KCNQ1: variants seen among roughly 807,000 people sequenced by gnomAD.
KCNQ1 encodes potassium voltage-gated channel subfamily Q member 1, also known as potassium voltage-gated channel subfamily KQT member 1.
A neutral mutation model predicts 72.4 loss-of-function variants in KCNQ1; 49 were observed. The observed-to-expected ratio is 0.68, with a 90% confidence interval of 0.54 to 0.86. The LOEUF (loss-of-function observed/expected upper bound fraction) is 0.86, where lower values mean the gene tolerates loss of function less well. Ranked by LOEUF, KCNQ1 falls within the 40% of genes least tolerant of loss-of-function variation. The pLI is 0.00. For missense variants in KCNQ1, 790 were observed against 945.1 expected (o/e 0.84, Z 2.15); for synonymous variants, 450 against 412.6 (o/e 1.09, Z -1.10).
At chr11:2,702,969 T>G (rs1346219924) in intron 11 of KCNQ1, among the ~76,000 whole-genome samples, 1 of 152,094 alleles carries the variant, frequency 6.6e-6, no homozygotes, top group Non-Finnish European at 1.5e-5. Context: ...CCTCCTCTAG[T>G]CCTTTGGGGG....
chr11:2,841,418 G>A (rs1483450325), intron 15 of KCNQ1, among the ~76,000 whole-genome samples: 4 of 152,194 alleles, frequency 2.6e-5, no homozygotes, highest in African/African-American at 7.2e-5. Context: ...TAGCCAGGCA[G>A]TGAGGTGGTT....
intron 10 of KCNQ1, chr11:2,614,343 TG>T (rs1388773357): frequency 2.5e-6 from 1 of 398,454 alleles, no homozygotes; most frequent in African/African-American, 2.1e-5. Flanking sequence ...TTTAGTCTTC[TG>T]TGCACCCTTT....
Position 2,749,553 on chromosome 11 carries a change from T to C in KCNQ1, c.1515-19291T>C, listed in dbSNP as rs1158645894. On this transcript the variant is annotated intron_variant, in intron 11 of 15. Transcript: ENST00000155840. ...GGCCGGGCGTGCTGCCTCACGCCTG[T>C]AATCTCAGCACTTTGGGAGGCCGAG... Among the ~76,000 whole-genome samples, 4 of 149,392 alleles carry C rather than the reference T, an allele frequency of 2.7e-5. No homozygotes were observed. The East Asian group carries it at 7.9e-4, about 30-fold the overall frequency.
rs746807746 is a variant in KCNQ1 at position 2,570,770 on chromosome 11, C to T, written c.604+16C>T. ...TCCATCATCGGTGAGTCATGCCTGC[C>T]CTGTGGAGGTCACGCCCAGGTTTCC... is the stretch of plus-strand genomic sequence containing the variant. On this transcript the variant is annotated intron_variant, in intron 3 of 15. Coordinates refer to ENST00000155840, the MANE Select transcript of KCNQ1 (RefSeq NM_000218.3). 2.9e-5 allele frequency: 47 copies of T among 1,609,042 alleles called. No homozygotes were observed. The highest frequency in any genetic ancestry group is 4.0e-5 in the Non-Finnish European group (47 of 1,179,942).
In KCNQ1 at chr11:2,830,003, G is replaced by C. The variant is rs1438722721; in HGVS notation, c.1795-17764G>C. 9.2e-6 allele frequency among the ~76,000 whole-genome samples: 1 copy of C among 108,768 alleles called. No homozygotes were observed. The highest frequency in any genetic ancestry group is 1.9e-5 in the Non-Finnish European group (1 of 53,296). 71.4% of individuals were successfully genotyped at this position (108,768 alleles called of 152,430 possible). A position where few individuals can be genotyped will look rare whatever the true frequency, so the allele number is the denominator to read the frequency against. ...GGAGGGAGGAGGAAGGAAGAGGGAG[G>C]AGGAAGGAGGAGGAAGGAGGAGGAA... On this transcript the variant is annotated intron_variant, in intron 15 of 15. Transcript: ENST00000155840. This position sits in a 1 kb window ranked among gnomAD's most constrained non-coding sequence, Gnocchi z 7.7.
intron 15 of KCNQ1, among the ~76,000 whole-genome samples, chr11:2,838,344 C>T (rs1848126817): frequency 6.6e-6 from 1 of 152,052 alleles, no homozygotes. Context: ...GGCCAGGGAC[C>T]GGCGCGCCGG....
intron 15 of KCNQ1, among the ~76,000 whole-genome samples, chr11:2,845,540 C>T (rs997865764): frequency 6.6e-6 from 1 of 152,224 alleles, no homozygotes; most frequent in African/African-American, 2.4e-5. Context: ...CCCCTTTCCT[C>T]CATAGTCTGG....
intron 10 of KCNQ1, chr11:2,646,951 T>C (rs1400600557): frequency 2.5e-6 from 1 of 398,508 alleles, no homozygotes; most frequent in African/African-American, 2.1e-5. Flanking sequence ...AATATGACAT[T>C]CTCTTTTCCA....
intron 11 of KCNQ1, among the ~76,000 whole-genome samples, chr11:2,754,954 A>G (rs1846277257): frequency 6.6e-6 from 1 of 152,230 alleles, no homozygotes; most frequent in Admixed American, 6.5e-5. Context: ...CTGGTTTAAC[A>G]GGTGACCCCC....
In KCNQ1 at chr11:2,617,366, A is replaced by G. The variant is rs1276849619; in HGVS notation, c.1393+28512A>G. ...TATATGGCTTATTTAACTTAGCACA[A>G]TGTCTTCCAGTTTCATCCATGTGGC... On this transcript the variant is annotated intron_variant, in intron 10 of 15. Transcript: ENST00000155840. This position sits in a 1 kb window ranked among gnomAD's most constrained non-coding sequence, Gnocchi z 4.6. 3 of 398,326 alleles carry G rather than the reference A, an allele frequency of 7.5e-6. No individual in the cohort carries two copies. The highest frequency in any genetic ancestry group is 2.1e-5 in the African/African-American group (1 of 48,630). 24.7% of individuals were successfully genotyped at this position (398,326 alleles called of 1,614,324 possible). A position where few individuals can be genotyped will look rare whatever the true frequency, so the allele number is the denominator to read the frequency against.
rs535352459 is a variant in KCNQ1 at position 2,712,563 on chromosome 11, G to A, written c.1514+50482G>A. On this transcript the variant is annotated intron_variant, in intron 11 of 15. Coordinates refer to ENST00000155840, the MANE Select transcript of KCNQ1 (RefSeq NM_000218.3). The surrounding 1 kb of genome is among the most constrained non-coding windows in gnomAD (Gnocchi z 6.4). ...CCGCCCCAGCTGAATGCATGCTGGCGGCCCAAATGTTAGACACTCTTCTCT... is the reference window on the plus strand; with the variant it reads ...CCGCCCCAGCTGAATGCATGCTGGCAGCCCAAATGTTAGACACTCTTCTCT... Among the ~76,000 whole-genome samples, 46 of 152,232 alleles carry A rather than the reference G, an allele frequency of 3.0e-4. No individual in the cohort carries two copies. Among genetic ancestry groups the A allele is most frequent in the Middle Eastern group, 3.4e-3 (1 of 292 alleles).
intron 12 of KCNQ1, among the ~76,000 whole-genome samples, chr11:2,773,942 TCAG>T (rs1846647862): frequency 6.6e-6 from 1 of 151,384 alleles, no homozygotes; most frequent in African/African-American, 2.4e-5. Flanking sequence ...GAGACAGGGT[TCAG>T]CATCCCATAT....
In KCNQ1 at chr11:2,828,688, C is replaced by T. The variant is rs1847887278; in HGVS notation, c.1795-19079C>T. ...AGCCTGAGAGGTTCTGAACTTGGAG[C>T]CACCAGGAGCAGTTGTGGGTGGGGC... On this transcript the variant is annotated intron_variant, in intron 15 of 15. Transcript: ENST00000155840. This position sits in a 1 kb window ranked among gnomAD's most constrained non-coding sequence, Gnocchi z 5.3. Among the ~76,000 whole-genome samples the T allele has an allele frequency of 6.6e-6, 1 of 152,184 alleles. No homozygotes were observed.
At chr11:2,587,970 A>G (rs1024039219) in intron 9 of KCNQ1, among the ~76,000 whole-genome samples, 1 of 152,082 alleles carries the variant, frequency 6.6e-6, no homozygotes, top group Non-Finnish European at 1.5e-5. Flanking sequence ...GCTGGAAAGA[A>G]GGCTCTTCAG....
At position 2,483,472 on chromosome 11, in the gene KCNQ1, C is replaced by T. The variant is rs140235230; in HGVS notation, c.386+37988C>T. Among the ~76,000 whole-genome samples, 247 of 152,234 alleles carry T rather than the reference C, an allele frequency of 1.6e-3. 3 individuals carry two copies. The highest frequency in any genetic ancestry group is 5.8e-3 in the African/African-American group (239 of 41,536). On this transcript the variant is annotated intron_variant, in intron 1 of 15. Coordinates refer to ENST00000155840, the MANE Select transcript of KCNQ1 (RefSeq NM_000218.3). The surrounding 1 kb of genome is among the most constrained non-coding windows in gnomAD (Gnocchi z 6.1). ...AACTGCAGATCTGATTCAAATCCCG[C>T]GTTTTTCTAGCATCCGGTTTCTGTT... is the stretch of plus-strand genomic sequence containing the variant.
At position 2,665,501 on chromosome 11, in the gene KCNQ1, C is replaced by T. The variant is rs115176443; in HGVS notation, c.1514+3420C>T. The T allele has an allele frequency of 5.9e-3, 2,323 of 395,002 alleles. 33 individuals carry two copies. The highest frequency in any genetic ancestry group is 0.035 in the African/African-American group (1,647 of 47,224). The allele number at this position is 395,002 out of a possible 1,614,324, so 24.5% of individuals were successfully genotyped here. A position where few individuals can be genotyped will look rare whatever the true frequency, so the allele number is the denominator to read the frequency against. On this transcript the variant is annotated intron_variant, in intron 11 of 15. Transcript: ENST00000155840. The stretch of plus-strand genomic sequence containing the variant: ...TGCCATGCCTGTGTGCATCCCTGTG[C>T]CTTGCGTGTGGTAACCTGCCATCTA...
In KCNQ1 at chr11:2,544,293, T is replaced by TATATGC. The variant is rs796223106; in HGVS notation, c.477+16275_477+16276insATATGC. On this transcript the variant is annotated intron_variant, in intron 2 of 15. Coordinates refer to ENST00000155840, the MANE Select transcript of KCNQ1 (RefSeq NM_000218.3). This position sits in a 1 kb window ranked among gnomAD's most constrained non-coding sequence, Gnocchi z 4.4. ...GTGTATATATATGTGTATATATATA[T>TATATGC]GTATATATGTGTATATATGTATATA... 7.3e-6 allele frequency among the ~76,000 whole-genome samples: 1 copy of TATATGC among 136,540 alleles called. No homozygotes were observed. The highest frequency in any genetic ancestry group is 2.3e-4 in the South Asian group (1 of 4,392). 89.6% of individuals were successfully genotyped at this position (136,540 alleles called of 152,430 possible).
At chr11:2,622,106 T>C (rs1849183052) in intron 10 of KCNQ1, 3 of 398,274 alleles carry the variant, frequency 7.5e-6, no homozygotes, top group Non-Finnish European at 1.3e-5. Context: ...TTTAAGTTTC[T>C]GTTTTCATTT....
intron 10 of KCNQ1, chr11:2,615,984 T>C: frequency 2.5e-6 from 1 of 398,206 alleles, no homozygotes; most frequent in Non-Finnish European, 4.4e-6. Context: ...ACGCCATCTG[T>C]GTAGCATTTT....
Sources: allele counts gnomAD v4.1 joint callset (sites outside exome capture counted in the v4.1 genomes callset), GRCh38; gene constraint gnomAD v4.1.1; non-coding constraint Gnocchi (gnomAD v3.1); transcripts MANE v1.5; gene names NCBI Gene and HGNC (gene_info 2026-07-23, HGNC 2026-07-21).